SGMS2: variants seen among roughly 807,000 people sequenced by gnomAD.
SGMS2 encodes the protein sphingomyelin synthase 2, also known as phosphatidylcholine:ceramide cholinephosphotransferase 2.
Under a neutral mutation model 43.8 loss-of-function variants are expected in SGMS2, and 21 were observed. The ratio of observed to expected loss-of-function variants is 0.48; its 90% CI spans 0.34 to 0.69. SGMS2 has a LOEUF of 0.69. Among genes scored for constraint, SGMS2 ranks in the 30% least tolerant of loss-of-function variants. SGMS2 has a pLI of 0.01. For missense variants in SGMS2, 384 were observed against 443.2 expected (o/e 0.87, Z 1.20); for synonymous variants, 167 against 160.6 (o/e 1.04, Z -0.30).
chr4:107,830,117 G>A (rs1725807927), intron 1 of SGMS2, among the ~76,000 whole-genome samples: 2 of 152,152 alleles, frequency 1.3e-5, no homozygotes, highest in Non-Finnish European at 2.9e-5. Context: ...ACTTATAAGT[G>A]AGAACATGCA....
intron 2 of SGMS2, among the ~76,000 whole-genome samples, chr4:107,875,609 T>A (rs1578582958): frequency 6.6e-6 from 1 of 152,120 alleles, no homozygotes; most frequent in East Asian, 1.9e-4. Context: ...CAAACCCCCA[T>A]GACACACATA....
rs67228519 is a variant in SGMS2, at chr4:107,886,364, AT to A, written c.-244-8916del. Among the ~76,000 whole-genome samples, 807 of 106,120 alleles carry A rather than the reference AT, an allele frequency of 7.6e-3. 2 individuals carry two copies. Among genetic ancestry groups the A allele is most frequent in the African/African-American group, 0.028 (730 of 26,038 alleles). The allele number at this position is 106,120 out of a possible 152,430, so 69.6% of individuals were successfully genotyped here. On this transcript the variant is annotated intron_variant, in intron 2 of 6. Transcript: ENST00000690982. ...ACAGGTGCACCACCACACCCAGCTA[AT>A]TTTTTTTTTTTTTTTTTTTTTTTTT...
chr4:107,830,853 T>C (rs567782448), intron 1 of SGMS2, among the ~76,000 whole-genome samples: 1 of 152,254 alleles, frequency 6.6e-6, no homozygotes, highest in African/African-American at 2.4e-5. Flanking sequence ...GAACGTGAAG[T>C]TCAGTCTTTG....
At chr4:107,889,966 G>A (rs1730068660) in intron 2 of SGMS2, among the ~76,000 whole-genome samples, 1 of 152,000 alleles carries the variant, frequency 6.6e-6, no homozygotes, top group Non-Finnish European at 1.5e-5. Context: ...CTGAATCCTG[G>A]GTTTCCAAAA....
chr4:107,890,633 C>T (rs1016720458), intron 2 of SGMS2, among the ~76,000 whole-genome samples: 8 of 145,756 alleles, frequency 5.5e-5, no homozygotes, highest in Non-Finnish European at 1.0e-4. Flanking sequence ...CAAGATCACA[C>T]GACTGCACTC....
Position 107,913,208 on chromosome 4 carries a change from C to G in SGMS2, c.*2655C>G, listed in dbSNP as rs1732234739. 6.6e-6 allele frequency: 1 copy of G among 151,862 alleles called. No individual in the cohort carries two copies. Among genetic ancestry groups the G allele is most frequent in the Admixed American group, 6.6e-5 (1 of 15,252 alleles). 9.4% of individuals were successfully genotyped at this position (151,862 alleles called of 1,614,324 possible). ...GTAATTTAGGTTGTCTGTGAAATAC[C>G]TATAACATATAATTCCTATAGAGTA... is the stretch of plus-strand genomic sequence containing the variant. On this transcript the variant is annotated 3_prime_UTR_variant, in exon 7 of 7. Transcript: ENST00000690982.
intron 2 of SGMS2, among the ~76,000 whole-genome samples, chr4:107,889,600 A>T (rs748596116): frequency 2.6e-5 from 4 of 152,180 alleles, no homozygotes; most frequent in Non-Finnish European, 5.9e-5. Flanking sequence ...TGTACACAAC[A>T]TATAAATGCA....
intron 1 of SGMS2, among the ~76,000 whole-genome samples, chr4:107,843,946 T>C (rs746160517): frequency 1.3e-5 from 2 of 152,194 alleles, no homozygotes; most frequent in Non-Finnish European, 2.9e-5. Flanking sequence ...CAGTTTTCTG[T>C]CTTATGGTAG....
At chr4:107,894,268 G>A (rs550700822) in intron 2 of SGMS2, 5 of 152,288 alleles carry the variant, frequency 3.3e-5, no homozygotes, top group African/African-American at 1.2e-4. Context: ...TCCAGGGAGA[G>A]GACTAATTAC....
rs561586092 is a variant in SGMS2, at chr4:107,912,797, T to G, written c.*2244T>G. On this transcript the variant is annotated 3_prime_UTR_variant, in exon 7 of 7. Coordinates refer to ENST00000690982, the MANE Select transcript of SGMS2 (RefSeq NM_001375905.1). Reference sequence around the variant, plus strand: ...TTTTAATTTAAAAAAAACCATCACCTTTTAAAGAACTTTAAAAACACCTGT... The same window carrying G: ...TTTTAATTTAAAAAAAACCATCACCGTTTAAAGAACTTTAAAAACACCTGT... 6.6e-6 allele frequency: 1 copy of G among 152,306 alleles called. No individual in the cohort carries two copies. Among genetic ancestry groups the G allele is most frequent in the African/African-American group, 2.4e-5 (1 of 41,572 alleles). The allele number at this position is 152,306 out of a possible 1,614,324, so 9.4% of individuals were successfully genotyped here.
At chr4:107,889,827 G>A (rs1261721547) in intron 2 of SGMS2, among the ~76,000 whole-genome samples, 1 of 152,082 alleles carries the variant, frequency 6.6e-6, no homozygotes, top group African/African-American at 2.4e-5. Flanking sequence ...TCTAGAGGGA[G>A]ATTAAAGATG....
intron 1 of SGMS2, among the ~76,000 whole-genome samples, chr4:107,835,498 C>T (rs951112830): frequency 2.0e-5 from 3 of 152,170 alleles, no homozygotes; most frequent in African/African-American, 7.2e-5. Flanking sequence ...GGTCTGTATT[C>T]TAAAATGCTT....
intron 2 of SGMS2, among the ~76,000 whole-genome samples, chr4:107,870,404 G>A (rs544374911): frequency 3.3e-5 from 5 of 152,272 alleles, no homozygotes; most frequent in African/African-American, 1.2e-4. Context: ...TTGGATGGTG[G>A]TACCGTTTAC....
At position 107,857,638 on chromosome 4, in the gene SGMS2, C is replaced by G. The variant is rs950202120; in HGVS notation, c.-326-834C>G. ...ATTCATATTGTGGTTCTATGAACTG[C>G]AGACCTCTGGCCAGTAGCCTATATT... On this transcript the variant is annotated intron_variant, in intron 1 of 6. Transcript: ENST00000690982. Among the ~76,000 whole-genome samples, 6 of 151,970 alleles carry G rather than the reference C, an allele frequency of 3.9e-5. No individual in the cohort carries two copies. The East Asian group carries it at 1.2e-3, about 29-fold the overall frequency.
intron 6 of SGMS2, among the ~76,000 whole-genome samples, 181 bp from the exon 7 acceptor site, chr4:107,910,169 C>T (rs1044742897): frequency 2.0e-5 from 3 of 152,096 alleles, no homozygotes; most frequent in African/African-American, 7.2e-5. Flanking sequence ...AAGAAAGACA[C>T]CTAGGTGTGT....
intron 1 of SGMS2, among the ~76,000 whole-genome samples, chr4:107,855,798 A>G (rs1727390086): frequency 6.6e-6 from 1 of 152,120 alleles, no homozygotes; most frequent in South Asian, 2.1e-4. Context: ...GAAGTCCTCT[A>G]CTATTATTGT....
chr4:107,870,882 CTTTTA>C (rs545617545), intron 2 of SGMS2, among the ~76,000 whole-genome samples: 24 of 152,138 alleles, frequency 1.6e-4, no homozygotes, highest in African/African-American at 5.5e-4. Context: ...TAGGCAAGCA[CTTTTA>C]TTTATATAGA....
At chr4:107,851,086 G>T (rs1727115209) in intron 1 of SGMS2, among the ~76,000 whole-genome samples, 1 of 152,104 alleles carries the variant, frequency 6.6e-6, no homozygotes, top group Admixed American at 6.6e-5. Context: ...CTTAAAAGAA[G>T]ACTTGAAAAA....
At chr4:107,851,368 C>A (rs553244889) in intron 1 of SGMS2, among the ~76,000 whole-genome samples, 5 of 152,266 alleles carry the variant, frequency 3.3e-5, no homozygotes, top group Non-Finnish European at 7.4e-5. Flanking sequence ...ACAAGGACAA[C>A]AACAGATTAG....
Sources: allele counts gnomAD v4.1 joint callset (sites outside exome capture counted in the v4.1 genomes callset), GRCh38; gene constraint gnomAD v4.1.1; transcripts MANE v1.5; gene names NCBI Gene and HGNC (gene_info 2026-07-23, HGNC 2026-07-21).